Variants in LRRC7 observed in about 807,000 individuals in gnomAD.
LRRC7 encodes the protein leucine-rich repeat-containing protein 7.
LRRC7 carries 23 observed loss-of-function variants against 175.7 expected under a neutral mutation model. The observed-to-expected ratio is 0.13, with a 90% confidence interval of 0.09 to 0.19. The LOEUF is 0.19. Among genes scored for constraint, LRRC7 ranks in the 10% least tolerant of loss-of-function variants. The pLI, the probability that LRRC7 is intolerant of heterozygous loss-of-function variation, is 1.00. For missense variants in LRRC7, 1,354 were observed against 1,904.7 expected, an observed-to-expected ratio of 0.71 and a Z score of 5.38; for synonymous variants, 685 against 680.9, an observed-to-expected ratio of 1.01 and a Z score of -0.09.
chr1:69,641,905 A>C (rs1654271368), intron 1 of LRRC7, among the ~76,000 whole-genome samples: 1 of 151,820 alleles, frequency 6.6e-6, no homozygotes, highest in Admixed American at 6.6e-5. Flanking sequence ...TTTATTAGTT[A>C]CCTCGTTTTA....
chr1:69,927,555 A>C (rs914824560), intron 7 of LRRC7, among the ~76,000 whole-genome samples: 2 of 151,872 alleles, frequency 1.3e-5, no homozygotes, highest in Non-Finnish European at 2.9e-5. Flanking sequence ...CATTTCATTC[A>C]TTTCATCTTC....
chr1:69,919,876 C>A, intron 7 of LRRC7: 1 of 658,582 alleles, frequency 1.5e-6, no homozygotes, highest in Non-Finnish European at 2.7e-6. Flanking sequence ...GGGGTTCCCC[C>A]GCTGCCTGCT....
chr1:69,761,948 G>C (rs191805608), intron 3 of LRRC7, among the ~76,000 whole-genome samples: 219 of 151,856 alleles, frequency 1.4e-3, no homozygotes, highest in African/African-American at 4.7e-3. Context: ...GGGGGTGGCG[G>C]GTTTCTAGGT....
At chr1:69,981,733 A>G (rs990606440) in intron 9 of LRRC7, among the ~76,000 whole-genome samples, 1 of 152,238 alleles carries the variant, frequency 6.6e-6, no homozygotes, top group Non-Finnish European at 1.5e-5. Flanking sequence ...TCCCTGTGCA[A>G]AGATTGAAGA....
At chr1:69,871,265 G>T (rs1056805092) in intron 7 of LRRC7, among the ~76,000 whole-genome samples, 1 of 151,992 alleles carries the variant, frequency 6.6e-6, no homozygotes, top group Non-Finnish European at 1.5e-5. Flanking sequence ...AATTTTGGCT[G>T]GTTCAATAGT....
Position 69,773,486 on chromosome 1 carries a change from A to G in LRRC7, c.303+13093A>G, listed in dbSNP as rs183364138. On this transcript the variant is annotated intron_variant, in intron 3 of 26. Transcript: ENST00000651989. ...CTGAGAGGGTGAGAGAGTGGGGTAC[A>G]TGAAATTTGGGATTAAAGAGGAATA... is the stretch of plus-strand genomic sequence containing the variant. 2.5e-3 allele frequency among the ~76,000 whole-genome samples: 384 copies of G among 152,310 alleles called. 3 individuals are homozygous for G. The highest frequency in any genetic ancestry group is 8.7e-3 in the African/African-American group (361 of 41,570).
Position 70,143,848 on chromosome 1 carries a change from AT to A in LRRC7, c.*21966del, listed in dbSNP as rs1354602002. ...CTTAAATTATATATAAAAAATTGTC[AT>A]TTTTGTATGTGTTAAAAAGACTACT... On this transcript the variant is annotated 3_prime_UTR_variant, in exon 27 of 27. Coordinates refer to ENST00000651989, the MANE Select transcript of LRRC7 (RefSeq NM_001370785.2). The A allele has an allele frequency of 2.0e-5, 3 of 152,164 alleles. No individual in the cohort carries two copies. The highest frequency in any genetic ancestry group is 7.2e-5 in the African/African-American group (3 of 41,436). The allele number at this position is 152,164 out of a possible 1,614,324, so 9.4% of individuals were successfully genotyped here. A position where few individuals can be genotyped will look rare whatever the true frequency, so the allele number is the denominator to read the frequency against.
chr1:69,850,015 T>G (rs1682796753), intron 7 of LRRC7, among the ~76,000 whole-genome samples: 1 of 151,936 alleles, frequency 6.6e-6, no homozygotes, highest in South Asian at 2.1e-4. Flanking sequence ...GATGATGTTA[T>G]AGAGAGAGGT....
At position 69,851,866 on chromosome 1, in the gene LRRC7, C is replaced by T. The variant is rs539611434; in HGVS notation, c.647+13583C>T. On this transcript the variant is annotated intron_variant, in intron 7 of 26. Coordinates refer to ENST00000651989, the MANE Select transcript of LRRC7 (RefSeq NM_001370785.2). ...ACTTTGCAAGCATAGAAGGAGAAAG[C>T]CAGACAGCTGGAGTTTACCAAATTA... Among the ~76,000 whole-genome samples the T allele has an allele frequency of 3.9e-5, 6 of 152,122 alleles. No individual in the cohort carries two copies. The East Asian group carries it at 9.7e-4, about 25-fold the overall frequency.
chr1:69,747,948 C>T (rs548568976), intron 2 of LRRC7, among the ~76,000 whole-genome samples: 29 of 152,194 alleles, frequency 1.9e-4, no homozygotes, highest in African/African-American at 7.0e-4. Flanking sequence ...CAGAAGGACT[C>T]TTGAATTAAT....
intron 2 of LRRC7, among the ~76,000 whole-genome samples, chr1:69,687,290 C>A (rs897403367): frequency 6.6e-6 from 1 of 151,932 alleles, no homozygotes; most frequent in Admixed American, 6.6e-5. Context: ...GAGTGAATCA[C>A]CAGAGGTCGG....
At position 70,132,457 on chromosome 1, in the gene LRRC7, C is replaced by CT. The variant is rs149091576; in HGVS notation, c.*10596dup. ...TTTCTTTTTTCTTTTCTTTTCTTTT[C>CT]TTTTTTTTTTTTTTTTTTTTTTTTT... On this transcript the variant is annotated 3_prime_UTR_variant, in exon 27 of 27. Coordinates refer to ENST00000651989, the MANE Select transcript of LRRC7 (RefSeq NM_001370785.2). Among the ~76,000 whole-genome samples, 12 of 76,446 alleles carry CT rather than the reference C, an allele frequency of 1.6e-4. No individual in the cohort carries two copies. The highest frequency in any genetic ancestry group is 6.2e-4 in the African/African-American group (11 of 17,646). 50.2% of individuals were successfully genotyped at this position (76,446 alleles called of 152,430 possible).
chr1:69,578,185 G>GA (rs1175010041), intron 1 of LRRC7, among the ~76,000 whole-genome samples: 8 of 151,446 alleles, frequency 5.3e-5, no homozygotes, highest in Non-Finnish European at 1.0e-4. Context: ...AAAAACACGT[G>GA]AAAAAATGCT....
chr1:69,758,097 T>C (rs12078852), intron 2 of LRRC7, among the ~76,000 whole-genome samples: 1,531 of 152,130 alleles, frequency 0.01, 28 homozygotes, highest in African/African-American at 0.036. Flanking sequence ...GCCTATTATA[T>C]ATAATATGTT....
Position 69,805,479 on chromosome 1 carries a change from C to A in LRRC7, c.421+13319C>A, listed in dbSNP as rs545783563. 9.2e-5 allele frequency among the ~76,000 whole-genome samples: 14 copies of A among 151,946 alleles called. No individual in the cohort carries two copies. The East Asian group carries it at 2.5e-3, about 27-fold the overall frequency. The stretch of plus-strand genomic sequence containing the variant: ...AATAAATGTGTTCTCTGGTGTTTGG[C>A]AAACCATTACACCATTTATTTAGAG... On this transcript the variant is annotated intron_variant, in intron 4 of 26. Coordinates refer to ENST00000651989, the MANE Select transcript of LRRC7 (RefSeq NM_001370785.2).
In LRRC7 at chr1:69,895,575, C is replaced by T. The variant is rs141894038; in HGVS notation, c.648-35932C>T. ...AATGAACAAAATTCATCAGCCCCAA[C>T]GGTGTCCCCAAGGCACTGTTCACCC... is the stretch of plus-strand genomic sequence containing the variant. On this transcript the variant is annotated intron_variant, in intron 7 of 26. Transcript: ENST00000651989. Among the ~76,000 whole-genome samples the T allele has an allele frequency of 1.5e-3, 229 of 152,288 alleles. 1 individual carries two copies. The highest frequency in any genetic ancestry group is 5.1e-3 in the African/African-American group (212 of 41,566).
Position 69,865,469 on chromosome 1 carries a change from CTTTTT to C in LRRC7, c.647+27207_647+27211del, listed in dbSNP as rs532063540. On this transcript the variant is annotated intron_variant, in intron 7 of 26. Transcript: ENST00000651989. ...ATAAGCAAGCTGCTGAAGACAGTTC[CTTTTT>C]TTTTTTTTTTTTTTTTTTTTGAAAC... Among the ~76,000 whole-genome samples, 267 of 51,262 alleles carry C rather than the reference CTTTTT, an allele frequency of 5.2e-3. 3 individuals carry two copies. Among genetic ancestry groups the C allele is most frequent in the African/African-American group, 0.018 (221 of 12,318 alleles). The allele number at this position is 51,262 out of a possible 152,430, so 33.6% of individuals were successfully genotyped here. A position where few individuals can be genotyped will look rare whatever the true frequency, so the allele number is the denominator to read the frequency against.
chr1:70,126,069 T>A lies in LRRC7; in HGVS notation c.*4182T>A, dbSNP rs954235890. On this transcript the variant is annotated 3_prime_UTR_variant, in exon 27 of 27. Coordinates refer to ENST00000651989, the MANE Select transcript of LRRC7 (RefSeq NM_001370785.2). ...TATGTTTACTAACTGTTAAGGACAG[T>A]CTTAACGCTGTCCCTAACCAATTTC... is the stretch of plus-strand genomic sequence containing the variant. Among the ~76,000 whole-genome samples the A allele has an allele frequency of 2.6e-5, 4 of 152,100 alleles. No individual in the cohort carries two copies. The highest frequency in any genetic ancestry group is 9.7e-5 in the African/African-American group (4 of 41,408).
chr1:69,596,434 C>A (rs561891175), intron 1 of LRRC7, among the ~76,000 whole-genome samples: 2 of 152,274 alleles, frequency 1.3e-5, no homozygotes, highest in African/African-American at 4.8e-5. Context: ...ATACTTATTT[C>A]TTCACAGAGG....
Sources: allele counts gnomAD v4.1 joint callset (sites outside exome capture counted in the v4.1 genomes callset), GRCh38; gene constraint gnomAD v4.1.1; transcripts MANE v1.5; gene names NCBI Gene and HGNC (gene_info 2026-07-23, HGNC 2026-07-21).